The following PSD3 variants were observed in gnomAD, a reference collection of about 807,000 sequenced individuals.
PSD3 encodes PH and SEC7 domain-containing protein 3.
PSD3 carries 49 observed loss-of-function variants against 105.5 expected under a neutral mutation model. The ratio of observed to expected loss-of-function variants is 0.46; its 90% CI spans 0.37 to 0.59. PSD3 has a LOEUF of 0.59. PSD3 is among the 20% of genes least tolerant of loss of function. PSD3 has a pLI of 0.00. For missense variants in PSD3, 1,561 were observed against 1,263.8 expected, an observed-to-expected ratio of 1.24 and a Z score of -3.57; for synonymous variants, 557 against 457.8, an observed-to-expected ratio of 1.22 and a Z score of -2.77.
In PSD3 at chr8:18,681,039, G is replaced by C. The variant is rs73666690; in HGVS notation, c.2173-25354C>G. Among the ~76,000 whole-genome samples, 975 of 152,256 alleles carry C rather than the reference G, an allele frequency of 6.4e-3. 9 individuals are homozygous for C. The highest frequency in any genetic ancestry group is 0.022 in the African/African-American group (934 of 41,552). On this transcript the variant is annotated intron_variant, in intron 9 of 15. Transcript: ENST00000327040. ...AAAACAAGCTGGAAACATCAAAGAT[G>C]AAAGTTTCAAAGAATACAAAACATG...
chr8:18,860,999 G>A (rs537794667), intron 4 of PSD3, among the ~76,000 whole-genome samples: 3 of 152,108 alleles, frequency 2.0e-5, no homozygotes, highest in African/African-American at 7.2e-5. Context: ...AATTACTTTG[G>A]TTTGTTTGTT....
intron 1 of PSD3, among the ~76,000 whole-genome samples, chr8:18,967,258 T>G (rs895399226): frequency 6.6e-6 from 1 of 151,728 alleles, no homozygotes; most frequent in East Asian, 1.9e-4. Context: ...CAGGTTCAAG[T>G]GATTCTCCCG....
chr8:18,537,650 T>C (rs548127619), intron 15 of PSD3, among the ~76,000 whole-genome samples: 2 of 150,540 alleles, frequency 1.3e-5, no homozygotes, highest in Non-Finnish European at 3.0e-5. Flanking sequence ...GGACAGACTT[T>C]AAGGAGAAGT....
intron 9 of PSD3, among the ~76,000 whole-genome samples, chr8:18,696,275 C>T (rs946979983): frequency 6.6e-6 from 1 of 152,202 alleles, no homozygotes; most frequent in Non-Finnish European, 1.5e-5. Context: ...GTCTGTTCCC[C>T]AGGGAATTTC....
In PSD3 at chr8:18,955,411, T is replaced by C. The variant is rs539699745; in HGVS notation, c.22-19269A>G. ...ACACCACAGGGCCTGTCTTTGTCTA[T>C]TTTAATAATATAATTGTTAATGTTG... On this transcript the variant is annotated intron_variant, in intron 1 of 15. Transcript: ENST00000327040. Among the ~76,000 whole-genome samples the C allele has an allele frequency of 4.6e-5, 7 of 152,336 alleles. No individual in the cohort carries two copies. In the South Asian group the frequency reaches 1.4e-3, roughly 32 times the overall value.
chr8:18,536,080 C>A, intron 15 of PSD3, 122 bp from the exon 16 acceptor site: 1 of 911,438 alleles, frequency 1.1e-6, no homozygotes, highest in Non-Finnish European at 1.7e-6. Context: ...GCTTCATTTC[C>A]CAAACTGACA....
chr8:19,031,543 A>G (rs991145181), intron 1 of PSD3, among the ~76,000 whole-genome samples: 3 of 132,444 alleles, frequency 2.3e-5, no homozygotes, highest in South Asian at 2.6e-4. Flanking sequence ...TTGATATGAC[A>G]AAGTCAAGAA....
intron 1 of PSD3, among the ~76,000 whole-genome samples, chr8:19,060,540 A>G (rs6988213): frequency 0.15 from 22,384 of 152,158 alleles, 2,105 homozygotes; most frequent in East Asian, 0.25. Context: ...AGGCTGAGAC[A>G]GGAGGATTGC....
intron 4 of PSD3, among the ~76,000 whole-genome samples, chr8:18,846,748 A>G (rs1815122161): frequency 6.6e-6 from 1 of 152,006 alleles, no homozygotes; most frequent in African/African-American, 2.4e-5. Flanking sequence ...ACTGGTCTCA[A>G]CTCCCTTTGC....
At position 18,984,282 on chromosome 8, in the gene PSD3, T is replaced by C. The variant is rs10094105; in HGVS notation, c.21+29281A>G. ...TTTACAATAGAGCTGACTCTCTAGT[T>C]GTTAAACCACATAACTGAACTACAC... On this transcript the variant is annotated intron_variant, in intron 1 of 15. Transcript: ENST00000327040. Among the ~76,000 whole-genome samples the C allele has an allele frequency of 8.5e-3, 1,287 of 151,916 alleles. 16 individuals are homozygous for C. The highest frequency in any genetic ancestry group is 0.03 in the African/African-American group (1,228 of 41,492).
chr8:18,528,231 A>C lies in PSD3; in HGVS notation c.*7512T>G, dbSNP rs1386947920. 1 of 152,220 alleles carries C rather than the reference A, an allele frequency of 6.6e-6. No homozygotes were observed. The highest frequency in any genetic ancestry group is 1.5e-5 in the Non-Finnish European group (1 of 68,046). The allele number at this position is 152,220 out of a possible 1,614,324, so 9.4% of individuals were successfully genotyped here. A position where few individuals can be genotyped will look rare whatever the true frequency, so the allele number is the denominator to read the frequency against. On this transcript the variant is annotated 3_prime_UTR_variant, in exon 16 of 16. Transcript: ENST00000327040. ...CTAACAGCTCTGATCTGGACTGAACAAAGCTGCTAAGCTAGCACTTGAGTA... is the reference window on the plus strand; with the variant it reads ...CTAACAGCTCTGATCTGGACTGAACCAAGCTGCTAAGCTAGCACTTGAGTA...
rs528977305 is a variant in PSD3 at position 18,640,756 on chromosome 8, C to A, written c.2217-7950G>T. On this transcript the variant is annotated intron_variant, in intron 10 of 15. Transcript: ENST00000327040. ...TGGAGGGAAGATGGCAGAAGAAAGC[C>A]CTGTTCTTTCCTCTCTATTTAGGAA... 1.1e-4 allele frequency among the ~76,000 whole-genome samples: 16 copies of A among 152,270 alleles called. 1 individual carries two copies. The South Asian group carries it at 3.3e-3, about 32-fold the overall frequency.
Position 18,572,633 on chromosome 8 carries a change from A to G in PSD3, c.2679T>C (p.Asn893=), listed in dbSNP as rs765824149. 22 of 1,613,934 alleles carry G rather than the reference A, an allele frequency of 1.4e-5. No homozygotes were observed. In the South Asian group the frequency reaches 2.0e-4, roughly 14 times the overall value. Residue 893 remains asparagine, a synonymous_variant, in exon 14 of 16, where the codon AAT becomes AAC. Transcript: ENST00000327040. ...GTGCAGAAAATACAGCTGCCACACA[A>G]TTGATTTTGTTTATCCACCCTTGCA... ...EEMQGWINKI[N]CVAAVFSAPP...
chr8:18,584,722 G>C (rs957335909), intron 12 of PSD3, among the ~76,000 whole-genome samples: 2 of 152,174 alleles, frequency 1.3e-5, no homozygotes, highest in African/African-American at 4.8e-5. Flanking sequence ...GAAATATACA[G>C]AAATGCTCTG....
At chr8:18,818,304 A>G (rs948611745) in intron 4 of PSD3, among the ~76,000 whole-genome samples, 1 of 152,058 alleles carries the variant, frequency 6.6e-6, no homozygotes, top group Non-Finnish European at 1.5e-5. Flanking sequence ...CTACGCTTTT[A>G]AACTAGTTTT....
chr8:18,724,739 A>C (rs578193986), intron 9 of PSD3, among the ~76,000 whole-genome samples: 13 of 152,292 alleles, frequency 8.5e-5, no homozygotes, highest in African/African-American at 2.9e-4. Flanking sequence ...ACATGGGCTT[A>C]ACAAATGATT....
intron 8 of PSD3, among the ~76,000 whole-genome samples, chr8:18,783,720 G>A (rs141297045): frequency 1.3e-3 from 201 of 152,250 alleles, no homozygotes; most frequent in African/African-American, 4.5e-3. Context: ...TGCAACCTCC[G>A]TCTCCTGGGT....
chr8:19,048,778 G>C (rs1169743713), intron 1 of PSD3, among the ~76,000 whole-genome samples: 2 of 152,184 alleles, frequency 1.3e-5, no homozygotes, highest in Non-Finnish European at 2.9e-5. Flanking sequence ...ACATGGATTT[G>C]GTAGAGCTCC....
intron 10 of PSD3, among the ~76,000 whole-genome samples, chr8:18,644,883 T>C (rs1454154003): frequency 6.6e-6 from 1 of 152,204 alleles, no homozygotes; most frequent in African/African-American, 2.4e-5. Flanking sequence ...CTTACAGTAT[T>C]GGAGGCTGGA....
Sources: allele counts gnomAD v4.1 joint callset (sites outside exome capture counted in the v4.1 genomes callset), GRCh38; gene constraint gnomAD v4.1.1; transcripts MANE v1.5; gene names NCBI Gene and HGNC (gene_info 2026-07-23, HGNC 2026-07-21).